Variants in HSPA4L observed in about 807,000 individuals in gnomAD.
HSPA4L encodes the protein heat shock protein family A (Hsp70) member 4 like.
In HSPA4L, 48 loss-of-function variants were observed where a neutral mutation model predicts 100.3. That is an observed-to-expected ratio of 0.48 (90% CI 0.38 to 0.61). The LOEUF (loss-of-function observed/expected upper bound fraction) is 0.61. Ranked by LOEUF, HSPA4L falls within the 20% of genes least tolerant of loss-of-function variation. The pLI, the probability that HSPA4L is intolerant of heterozygous loss-of-function variation, is 0.00. For missense variants in HSPA4L, 886 were observed against 988.6 expected (o/e 0.90, Z 1.39); for synonymous variants, 319 against 328.2 (o/e 0.97, Z 0.30).
At chr4:127,786,064 C>T (rs1349212759) in intron 1 of HSPA4L, among the ~76,000 whole-genome samples, 4 of 152,114 alleles carry the variant, frequency 2.6e-5, no homozygotes, top group African/African-American at 9.7e-5. Context: ...AGCCAAGAAT[C>T]GTCATTAAGT....
chr4:127,819,704 T>A (rs1461481272), intron 13 of HSPA4L, among the ~76,000 whole-genome samples: 1 of 152,162 alleles, frequency 6.6e-6, no homozygotes, highest in African/African-American at 2.4e-5. Flanking sequence ...ATTGTGAACA[T>A]TTCATATACG....
chr4:127,784,969 A>G (rs1732673618), intron 1 of HSPA4L, among the ~76,000 whole-genome samples: 1 of 152,246 alleles, frequency 6.6e-6, no homozygotes, highest in African/African-American at 2.4e-5. Context: ...GATCCTATGA[A>G]AAGAGGAAAG....
chr4:127,806,220 T>C (rs1192602606), intron 10 of HSPA4L, among the ~76,000 whole-genome samples: 3 of 152,044 alleles, frequency 2.0e-5, no homozygotes, highest in Non-Finnish European at 1.5e-5. Flanking sequence ...TTTAATTATA[T>C]TGTATTTTAT....
intron 1 of HSPA4L, among the ~76,000 whole-genome samples, chr4:127,790,350 T>C (rs1278552024): frequency 3.3e-5 from 5 of 152,176 alleles, no homozygotes; most frequent in Admixed American, 3.3e-4. Context: ...GGCTGAGAAA[T>C]GGCAAACGCA....
intron 17 of HSPA4L, among the ~76,000 whole-genome samples, chr4:127,830,170 C>A (rs1734043193): frequency 6.6e-6 from 1 of 152,126 alleles, no homozygotes; most frequent in African/African-American, 2.4e-5. Flanking sequence ...CACTACTAAT[C>A]TAAACCATGA....
At position 127,798,159 on chromosome 4, in the gene HSPA4L, T is replaced by G. The variant is rs539330028; in HGVS notation, c.307-428T>G. ...AAACACATTGTGCTGCTTGAAAGAA[T>G]GATGTTCTCATTTCCTTTTCCAAAA... On this transcript the variant is annotated intron_variant, in intron 3 of 18. Transcript: ENST00000296464. Among the ~76,000 whole-genome samples, 10 of 152,298 alleles carry G rather than the reference T, an allele frequency of 6.6e-5. No homozygotes were observed. In the South Asian group the frequency reaches 2.1e-3, roughly 32 times the overall value.
chr4:127,783,309 C>T (rs977806283), intron 1 of HSPA4L, among the ~76,000 whole-genome samples: 2 of 151,802 alleles, frequency 1.3e-5, no homozygotes, highest in African/African-American at 4.8e-5. Context: ...GGGAGAGCCT[C>T]GGGATGGGAG....
At chr4:127,824,428 G>A (rs898205439) in intron 16 of HSPA4L, among the ~76,000 whole-genome samples, 2 of 152,176 alleles carry the variant, frequency 1.3e-5, no homozygotes, top group Non-Finnish European at 2.9e-5. Flanking sequence ...AAATGTATAA[G>A]AGGAAATGTT....
intron 1 of HSPA4L, among the ~76,000 whole-genome samples, chr4:127,788,968 G>GA (rs1235200695): frequency 9.9e-5 from 15 of 152,164 alleles, no homozygotes; most frequent in Non-Finnish European, 4.4e-5. Context: ...AACTGGCAAG[G>GA]AAAAGAAAAG....
Position 127,818,345 on chromosome 4 carries a change from A to G in HSPA4L, c.1599A>G (p.Gln533=). 6.2e-7 allele frequency: 1 copy of G among 1,611,438 alleles called. No homozygotes were observed. Among genetic ancestry groups the G allele is most frequent in the Non-Finnish European group, 8.5e-7 (1 of 1,178,132 alleles). ...KDNMDKMQVD[Q]EEGHQKCHAE... is the part of the protein sequence containing the mutation. ...TCTAGGATAAAATGCAGGTTGATCAAGAAGAAGGGCATCAAAAATGTCATG... is the reference window on the plus strand; with the variant it reads ...TCTAGGATAAAATGCAGGTTGATCAGGAAGAAGGGCATCAAAAATGTCATG... The change falls in exon 13 of 19, where the codon CAA becomes CAG. Residue 533 remains glutamine, a synonymous_variant. Coordinates refer to ENST00000296464, the MANE Select transcript of HSPA4L (RefSeq NM_014278.4).
chr4:127,803,916 A>G (rs754446307), intron 7 of HSPA4L, 43 bp downstream of exon 7: 7 of 1,607,622 alleles, frequency 4.4e-6, no homozygotes, highest in Non-Finnish European at 5.1e-6. Flanking sequence ...TACTTATTTT[A>G]TAATGTTTAG....
intron 3 of HSPA4L, 30 bp from the exon 4 acceptor site, chr4:127,798,557 C>G (rs1413854946): frequency 6.2e-7 from 1 of 1,609,902 alleles, no homozygotes; most frequent in East Asian, 2.2e-5. Flanking sequence ...ACAAATGACT[C>G]TTAATAAATA....
At chr4:127,806,550 A>G (rs1180137228) in intron 10 of HSPA4L, among the ~76,000 whole-genome samples, 1 of 151,980 alleles carries the variant, frequency 6.6e-6, no homozygotes, top group East Asian at 1.9e-4. Context: ...TTTTAATTGA[A>G]CATGCCAATA....
intron 10 of HSPA4L, among the ~76,000 whole-genome samples, chr4:127,807,743 C>T (rs955073884): frequency 2.6e-5 from 4 of 152,024 alleles, no homozygotes; most frequent in Non-Finnish European, 5.9e-5. Flanking sequence ...TTAAAATATA[C>T]GTATTCTCAG....
At chr4:127,821,206 A>G (rs1429279742) in intron 14 of HSPA4L, among the ~76,000 whole-genome samples, 1 of 152,110 alleles carries the variant, frequency 6.6e-6, no homozygotes, top group African/African-American at 2.4e-5. Context: ...TCTATTCATT[A>G]ATAATTGTTA....
intron 11 of HSPA4L, chr4:127,809,122 G>GAAGT (rs1380255243): frequency 1.5e-6 from 1 of 670,776 alleles, no homozygotes; most frequent in African/African-American, 1.8e-5. Flanking sequence ...AGGTGATTGT[G>GAAGT]AAGTGCTCAC....
chr4:127,792,253 TTGATAC>T (rs1216009950), intron 1 of HSPA4L, among the ~76,000 whole-genome samples: 1 of 152,248 alleles, frequency 6.6e-6, no homozygotes, highest in Non-Finnish European at 1.5e-5. Flanking sequence ...TAATCTGGCC[TTGATAC>T]TATCTTATCA....
intron 2 of HSPA4L, among the ~76,000 whole-genome samples, chr4:127,795,173 T>C (rs993227480): frequency 1.3e-5 from 2 of 151,666 alleles, no homozygotes; most frequent in East Asian, 3.9e-4. Context: ...AACACAGAAA[T>C]GGAAGTGGAA....
rs757492563 is a variant in HSPA4L at position 127,822,902 on chromosome 4, TA to T, written c.1938+11del. Reference sequence around the variant, plus strand: ...AAATTCATCACTCCAGAAGTAAGTCTAAATTCTGTTAATTTTTTGTGAGGAC... The same window carrying T: ...AAATTCATCACTCCAGAAGTAAGTCTAATTCTGTTAATTTTTTGTGAGGAC... On this transcript the variant is annotated intron_variant, in intron 15 of 18. Transcript: ENST00000296464. 56 of 1,609,744 alleles carry T rather than the reference TA, an allele frequency of 3.5e-5. 1 individual carries two copies. In the African/African-American group the frequency reaches 6.8e-4, roughly 20 times the overall value.
Sources: allele counts gnomAD v4.1 joint callset (sites outside exome capture counted in the v4.1 genomes callset), GRCh38; gene constraint gnomAD v4.1.1; transcripts MANE v1.5; gene names NCBI Gene and HGNC (gene_info 2026-07-23, HGNC 2026-07-21).